The following CPQ variants were observed in gnomAD, a reference collection of about 807,000 sequenced individuals.
The protein encoded by CPQ is Ser-Met dipeptidase.
A neutral mutation model predicts 45.7 loss-of-function variants in CPQ; 37 were observed. The ratio of observed to expected loss-of-function variants is 0.81; its 90% confidence interval spans 0.62 to 1.07. The LOEUF is 1.07. Ranked by LOEUF, CPQ falls within the 50% of genes least tolerant of loss-of-function variation. CPQ has a pLI of 0.00. For missense variants in CPQ, 537 were observed against 572.9 expected (o/e 0.94, Z 0.64); for synonymous variants, 186 against 205.8 (o/e 0.90, Z 0.82).
chr8:96,932,387 C>T (rs1211758856), intron 4 of CPQ, among the ~76,000 whole-genome samples: 1 of 152,182 alleles, frequency 6.6e-6, no homozygotes, highest in Admixed American at 6.5e-5. Context: ...AAACAAGCAG[C>T]ATCATAAAGT....
intron 1 of CPQ, among the ~76,000 whole-genome samples, chr8:96,767,183 C>G (rs1414972249): frequency 5.3e-5 from 8 of 152,160 alleles, no homozygotes; most frequent in Admixed American, 5.2e-4. Flanking sequence ...GGAGGGAAAT[C>G]AAACGCACTA....
At position 96,738,619 on chromosome 8, in the gene CPQ, A is replaced by C. The variant is rs978078123; in HGVS notation, c.-34-46245A>C. ...ATGCTATCCCTCCCCACTCCCCCCA[A>C]CCCACAACAGTCCCCAGAGTGTGAT... On this transcript the variant is annotated intron_variant, in intron 1 of 7. Coordinates refer to ENST00000220763, the MANE Select transcript of CPQ (RefSeq NM_016134.4). 5.9e-5 allele frequency among the ~76,000 whole-genome samples: 9 copies of C among 151,628 alleles called. No individual in the cohort carries two copies. The South Asian group carries it at 8.3e-4, about 14-fold the overall frequency.
chr8:96,700,942 G>A (rs1174419548), intron 1 of CPQ, among the ~76,000 whole-genome samples: 1 of 152,164 alleles, frequency 6.6e-6, no homozygotes, highest in Non-Finnish European at 1.5e-5. Context: ...TTAAATACTG[G>A]AATTAGACTC....
At chr8:96,912,999 T>C (rs1812688142) in intron 4 of CPQ, among the ~76,000 whole-genome samples, 1 of 152,138 alleles carries the variant, frequency 6.6e-6, no homozygotes. Context: ...TTATCCTCTT[T>C]CTCCTGCTCC....
chr8:96,657,972 T>G (rs770143420), intron 1 of CPQ, among the ~76,000 whole-genome samples: 2 of 152,254 alleles, frequency 1.3e-5, no homozygotes, highest in Non-Finnish European at 2.9e-5. Context: ...TCTATGTTAT[T>G]CATAACTAAT....
chr8:96,959,237 A>G (rs1813410073), intron 4 of CPQ, among the ~76,000 whole-genome samples: 1 of 152,168 alleles, frequency 6.6e-6, no homozygotes, highest in African/African-American at 2.4e-5. Flanking sequence ...ACAGCCAGAA[A>G]AGAGGTGCTC....
At chr8:96,854,711 A>G (rs1811823543) in intron 3 of CPQ, among the ~76,000 whole-genome samples, 1 of 151,988 alleles carries the variant, frequency 6.6e-6, no homozygotes, top group South Asian at 2.1e-4. Flanking sequence ...CAAGTCCCAA[A>G]ATCTTCAGGG....
chr8:96,950,196 G>A (rs567789031), intron 4 of CPQ, among the ~76,000 whole-genome samples: 1 of 152,198 alleles, frequency 6.6e-6, no homozygotes, highest in East Asian at 1.9e-4. Flanking sequence ...ACATTACACA[G>A]TAGTCGAGAA....
intron 5 of CPQ, among the ~76,000 whole-genome samples, chr8:96,986,314 G>A (rs568913489): frequency 6.6e-6 from 1 of 152,246 alleles, no homozygotes; most frequent in Non-Finnish European, 1.5e-5. Context: ...AAATTCGATT[G>A]GACCATCAAA....
At chr8:96,994,829 TA>T (rs549595823) in intron 5 of CPQ, among the ~76,000 whole-genome samples, 134 of 152,176 alleles carry the variant, frequency 8.8e-4, no homozygotes, top group Middle Eastern at 3.4e-3. Flanking sequence ...GACCTATTAA[TA>T]ACATGATAAA....
intron 7 of CPQ, among the ~76,000 whole-genome samples, chr8:97,122,956 T>TA (rs1193172924): frequency 0.012 from 696 of 57,520 alleles, 44 homozygotes; most frequent in East Asian, 0.053. Context: ...TAAAATAAAA[T>TA]AAAATAAAAT....
At chr8:96,717,820 G>T (rs1211659606) in intron 1 of CPQ, among the ~76,000 whole-genome samples, 1 of 152,184 alleles carries the variant, frequency 6.6e-6, no homozygotes, top group African/African-American at 2.4e-5. Flanking sequence ...TTGTAGGGCA[G>T]TTCTCTAGCT....
intron 6 of CPQ, among the ~76,000 whole-genome samples, chr8:97,058,436 A>G (rs1441801430): frequency 1.3e-5 from 2 of 152,144 alleles, no homozygotes; most frequent in Admixed American, 1.3e-4. Context: ...ATGCCATCAA[A>G]AACAAGAAAC....
At chr8:96,805,677 C>G (rs1811070146) in intron 2 of CPQ, among the ~76,000 whole-genome samples, 1 of 152,180 alleles carries the variant, frequency 6.6e-6, no homozygotes, top group Admixed American at 6.5e-5. Flanking sequence ...GAGTTTGATT[C>G]CATTACAATA....
intron 7 of CPQ, among the ~76,000 whole-genome samples, chr8:97,112,792 C>T (rs1811520012): frequency 2.0e-5 from 3 of 152,040 alleles, no homozygotes; most frequent in South Asian, 2.1e-4. Flanking sequence ...GTGCTGATGG[C>T]GTACATGGAG....
chr8:96,719,792 C>T (rs940051499), intron 1 of CPQ, among the ~76,000 whole-genome samples: 4 of 152,188 alleles, frequency 2.6e-5, no homozygotes, highest in African/African-American at 9.7e-5. Flanking sequence ...TTCTCATATA[C>T]TCCCTACTGC....
At chr8:97,131,650 T>C (rs1042668397) in intron 7 of CPQ, among the ~76,000 whole-genome samples, 5 of 152,206 alleles carry the variant, frequency 3.3e-5, no homozygotes, top group Non-Finnish European at 7.3e-5. Flanking sequence ...TGCTGCCACT[T>C]TGACATCACC....
At chr8:97,024,666 GT>G (rs1809768212) in intron 5 of CPQ, among the ~76,000 whole-genome samples, 1 of 152,058 alleles carries the variant, frequency 6.6e-6, no homozygotes, top group African/African-American at 2.4e-5. Context: ...GCAGAAAGAG[GT>G]CTCAGACCCC....
At chr8:96,944,030 A>G (rs1318313404) in intron 4 of CPQ, among the ~76,000 whole-genome samples, 1 of 152,064 alleles carries the variant, frequency 6.6e-6, no homozygotes, top group Non-Finnish European at 1.5e-5. Context: ...TCCTGATTCA[A>G]GTACTTTATA....
Sources: gnomAD v4.1 joint callset for allele counts (sites outside exome capture counted in the v4.1 genomes callset) on GRCh38, gnomAD v4.1.1 for gene constraint, MANE v1.5 for transcripts, NCBI Gene and HGNC (gene_info 2026-07-23, HGNC 2026-07-21) for gene names.